The following PKHD1 variants were observed in gnomAD, a reference collection of about 807,000 sequenced individuals.
The protein encoded by PKHD1 is fibrocystin.
In PKHD1, 291 loss-of-function variants were observed where a neutral mutation model predicts 412.0. The observed-to-expected ratio is 0.71, with a 90% CI of 0.64 to 0.78. The LOEUF (loss-of-function observed/expected upper bound fraction) is 0.78. PKHD1 is among the 30% of genes least tolerant of loss of function. The pLI, the probability that PKHD1 is intolerant of heterozygous loss-of-function variation, is 0.00. For synonymous variants in PKHD1, 1,777 were observed against 1,821.5 expected, an observed-to-expected ratio of 0.98 and a Z score of 0.62; for missense variants, 4,825 against 4,950.7, an observed-to-expected ratio of 0.97 and a Z score of 0.76.
chr6:51,948,469 C>G (rs193193915), intron 36 of PKHD1, among the ~76,000 whole-genome samples: 1 of 152,312 alleles, frequency 6.6e-6, no homozygotes, highest in East Asian at 1.9e-4. Context: ...CTATTCACCT[C>G]TCCTGCTGCA....
chr6:51,768,089 G>A (rs1789435685), intron 55 of PKHD1, among the ~76,000 whole-genome samples: 1 of 151,888 alleles, frequency 6.6e-6, no homozygotes, highest in Admixed American at 6.6e-5. Context: ...ATTTTTTCAT[G>A]TGTTTTTTGG....
intron 52 of PKHD1, among the ~76,000 whole-genome samples, chr6:51,800,287 C>A (rs1280150168): frequency 6.6e-6 from 1 of 152,064 alleles, no homozygotes; most frequent in African/African-American, 2.4e-5. Flanking sequence ...TGAAAGTGTT[C>A]TATTTTTACA....
chr6:51,812,511 T>C (rs960523905), intron 52 of PKHD1, among the ~76,000 whole-genome samples: 3 of 152,088 alleles, frequency 2.0e-5, no homozygotes, highest in Admixed American at 6.6e-5. Flanking sequence ...GCATTAACAT[T>C]AAAACAGAGA....
intron 40 of PKHD1, among the ~76,000 whole-genome samples, chr6:51,907,658 T>A (rs1463267863): frequency 3.3e-5 from 5 of 152,102 alleles, no homozygotes; most frequent in African/African-American, 9.7e-5. Flanking sequence ...TTAAATTAAA[T>A]TTTTTAAAAA....
At chr6:51,630,559 TATAGAACCCAC>T (rs1452646411) in intron 65 of PKHD1, among the ~76,000 whole-genome samples, 3 of 152,304 alleles carry the variant, frequency 2.0e-5, no homozygotes, top group African/African-American at 7.2e-5. Context: ...TATTAATGGA[TATAGAACCCAC>T]ATAGACAAAA....
intron 34 of PKHD1, among the ~76,000 whole-genome samples, chr6:52,012,132 G>A (rs192940487): frequency 4.1e-4 from 62 of 152,318 alleles, no homozygotes; most frequent in Middle Eastern, 6.8e-3. Flanking sequence ...CCATCTACAT[G>A]ACATTGAAGA....
intron 35 of PKHD1, among the ~76,000 whole-genome samples, chr6:51,981,311 CTCTCCCT>C: frequency 6.7e-5 from 1 of 14,952 alleles, no homozygotes; most frequent in African/African-American, 2.6e-4. Context: ...AAAGCTCAAG[CTCTCCCT>C]CTCCCTCTCC....
intron 60 of PKHD1, among the ~76,000 whole-genome samples, chr6:51,663,944 T>C (rs1379034162): frequency 6.6e-6 from 1 of 152,184 alleles, no homozygotes; most frequent in Non-Finnish European, 1.5e-5. Flanking sequence ...TAAAGCATTT[T>C]GGGAACAATT....
At chr6:51,750,515 T>TA (rs747901004) in intron 57 of PKHD1, among the ~76,000 whole-genome samples, 31 of 152,154 alleles carry the variant, frequency 2.0e-4, no homozygotes, top group Non-Finnish European at 4.1e-4. Flanking sequence ...AAGAGATGTG[T>TA]AGGGCACGGC....
intron 41 of PKHD1, among the ~76,000 whole-genome samples, chr6:51,905,741 T>G (rs1266859658): frequency 6.6e-6 from 1 of 152,096 alleles, no homozygotes; most frequent in Non-Finnish European, 1.5e-5. Context: ...ATTCTGAGTT[T>G]TGCAAGGGGA....
At chr6:52,063,520 T>C (rs544604669) in intron 13 of PKHD1, among the ~76,000 whole-genome samples, 2 of 152,358 alleles carry the variant, frequency 1.3e-5, no homozygotes, top group African/African-American at 4.8e-5. Flanking sequence ...CAACAACTCC[T>C]AAAAGGGAGA....
At chr6:51,648,598 C>T (rs1017023294) in intron 62 of PKHD1, among the ~76,000 whole-genome samples, 1 of 152,074 alleles carries the variant, frequency 6.6e-6, no homozygotes, top group African/African-American at 2.4e-5. Flanking sequence ...TTTGTAAATA[C>T]TGAAAAGATA....
intron 32 of PKHD1, among the ~76,000 whole-genome samples, chr6:52,023,320 T>C (rs1240180228): frequency 1.3e-5 from 2 of 152,180 alleles, no homozygotes; most frequent in African/African-American, 2.4e-5. Flanking sequence ...TTCTTATGGC[T>C]CCTTCCAGAA....
chr6:51,979,126 C>T (rs1332155286), intron 35 of PKHD1, among the ~76,000 whole-genome samples: 6 of 152,190 alleles, frequency 3.9e-5, no homozygotes, highest in Admixed American at 3.3e-4. Context: ...TCATAAATGC[C>T]TCTTCATTCA....
chr6:52,027,546 AAAAG>A (rs1249769095), intron 31 of PKHD1, among the ~76,000 whole-genome samples: 1 of 151,212 alleles, frequency 6.6e-6, no homozygotes, highest in African/African-American at 2.4e-5. Context: ...AAAAAAAAAA[AAAAG>A]AAGAAGAAGA....
At chr6:51,744,650 T>C in intron 59 of PKHD1, 108 bp from the exon 60 acceptor site, 1 of 829,148 alleles carries the variant, frequency 1.2e-6, no homozygotes, top group Admixed American at 1.8e-5. Flanking sequence ...CAGATTTTTA[T>C]TATTGACAAT....
chr6:51,870,609 T>G lies in PKHD1; in HGVS notation c.7381A>C (p.Thr2461Pro). 1 of 1,610,228 alleles carries G rather than the reference T, an allele frequency of 6.2e-7. No individual in the cohort carries two copies. The highest frequency in any genetic ancestry group is 8.5e-7 in the Non-Finnish European group (1 of 1,176,906). ...GSLCMSSGIK[T>P]PKRWELMVSN... ...ACCATCAGTTCCCATCTTTTAGGAGTTTTAATCCCAGATGACATACACAGA... is the reference window on the plus strand; with the variant it reads ...ACCATCAGTTCCCATCTTTTAGGAGGTTTAATCCCAGATGACATACACAGA... Residue 2461 changes from threonine (T) to proline (P), a missense_variant, in exon 47 of 67, where the codon ACT (threonine) becomes CCT (proline). Transcript: ENST00000371117.
At chr6:51,861,466 C>T (rs1202478821) in intron 48 of PKHD1, among the ~76,000 whole-genome samples, 1 of 152,228 alleles carries the variant, frequency 6.6e-6, no homozygotes, top group Non-Finnish European at 1.5e-5. Context: ...GCCAGACACA[C>T]CACAATACCT....
intron 60 of PKHD1, among the ~76,000 whole-genome samples, chr6:51,720,142 AT>A (rs906358446): frequency 3.9e-5 from 6 of 152,132 alleles, no homozygotes; most frequent in African/African-American, 1.2e-4. Context: ...TATTTTCAAA[AT>A]TTCAGAAAAT....
Sources: gnomAD v4.1 joint callset for allele counts (sites outside exome capture counted in the v4.1 genomes callset) on GRCh38, gnomAD v4.1.1 for gene constraint, MANE v1.5 for transcripts, NCBI Gene and HGNC (gene_info 2026-07-23, HGNC 2026-07-21) for gene names.